Variants in IL13 observed in about 807,000 individuals in gnomAD.
IL13 encodes the protein interleukin-13.
In IL13, 9 loss-of-function variants were observed where a neutral mutation model predicts 11.1. The ratio of observed to expected loss-of-function variants is 0.81; its 90% CI spans 0.49 to 1.42. The LOEUF (loss-of-function observed/expected upper bound fraction) is 1.42, where lower values mean the gene tolerates loss of function less well. IL13 is among the 40% of genes most tolerant of loss of function. The pLI, the probability that IL13 is intolerant of heterozygous loss-of-function variation, is 0.00. For synonymous variants in IL13, 75 were observed against 76.9 expected, an observed-to-expected ratio of 0.97 and a Z score of 0.13; for missense variants, 181 against 182.5, an observed-to-expected ratio of 0.99 and a Z score of 0.05.
chr5:132,660,430 G>A lies in IL13; in HGVS notation c.*148G>A. The stretch of plus-strand genomic sequence containing the variant: ...TTCCTTAGCTTAGACCTCAGCCTGT[G>A]CTGCCCGTCTTCAGCCTAGCCGACC... On this transcript the variant is annotated 3_prime_UTR_variant, in exon 4 of 4. Coordinates refer to ENST00000304506, the MANE Select transcript of IL13 (RefSeq NM_002188.3). 7.5e-7 allele frequency: 1 copy of A among 1,329,590 alleles called. No individual in the cohort carries two copies. Among genetic ancestry groups the A allele is most frequent in the Admixed American group, 2.7e-5 (1 of 36,896 alleles). 82.4% of individuals were successfully genotyped at this position (1,329,590 alleles called of 1,614,324 possible).
upstream of IL13, among the ~76,000 whole-genome samples, chr5:132,657,948 C>T (rs575312971): frequency 2.6e-5 from 4 of 152,162 alleles, no homozygotes; most frequent in South Asian, 4.1e-4. Flanking sequence ...CCTTGCCTGC[C>T]GCTGGAATTA....
Position 132,660,446 on chromosome 5 carries a change from C to G in IL13, c.*164C>G, listed in dbSNP as rs1345567796. On this transcript the variant is annotated 3_prime_UTR_variant, in exon 4 of 4. Transcript: ENST00000304506. ...TCAGCCTGTGCTGCCCGTCTTCAGC[C>G]TAGCCGACCTCAGCCTTCCCCTTGC... 2 of 1,234,586 alleles carry G rather than the reference C, an allele frequency of 1.6e-6. No individual in the cohort carries two copies. The highest frequency in any genetic ancestry group is 5.7e-5 in the Admixed American group (2 of 35,236). The allele number at this position is 1,234,586 out of a possible 1,614,324, so 76.5% of individuals were successfully genotyped here.
Position 132,659,997 on chromosome 5 carries a change from C to A in IL13, c.333+169C>A, listed in dbSNP as rs560547280. ...GATTTACAGGATCTGGGCTCAAGGG[C>A]TCCTAACTCCTACCTGGGCCTCAAT... On this transcript the variant is annotated intron_variant, in intron 3 of 3. Coordinates refer to ENST00000304506, the MANE Select transcript of IL13 (RefSeq NM_002188.3). The surrounding 1 kb of genome is among the most constrained non-coding windows in gnomAD (Gnocchi z 4.1). Among the ~76,000 whole-genome samples the A allele has an allele frequency of 2.0e-5, 3 of 152,304 alleles. No homozygotes were observed. The highest frequency in any genetic ancestry group is 1.3e-4 in the Admixed American group (2 of 15,294).
Position 132,660,358 on chromosome 5 carries a change from C to G in IL13, c.*76C>G. On this transcript the variant is annotated 3_prime_UTR_variant, in exon 4 of 4. Coordinates refer to ENST00000304506, the MANE Select transcript of IL13 (RefSeq NM_002188.3). Reference sequence around the variant, plus strand: ...GCAGATTCATTTTTCTTTCTGATGTCAAAAATGTCTTGGGTAGGCGGGAAG... The same window carrying G: ...GCAGATTCATTTTTCTTTCTGATGTGAAAAATGTCTTGGGTAGGCGGGAAG... The G allele has an allele frequency of 6.4e-7, 1 of 1,561,600 alleles. No homozygotes were observed. Among genetic ancestry groups the G allele is most frequent in the Non-Finnish European group, 8.7e-7 (1 of 1,155,990 alleles).
chr5:132,660,518 G>C lies in IL13; in HGVS notation c.*236G>C, dbSNP rs554174789. 1 of 525,748 alleles carries C rather than the reference G, an allele frequency of 1.9e-6. No homozygotes were observed. The highest frequency in any genetic ancestry group is 4.0e-5 in the East Asian group (1 of 25,014). The allele number at this position is 525,748 out of a possible 1,614,324, so 32.6% of individuals were successfully genotyped here. ...CTCCTCTGTCCAGGGCCCTGAGCTCGGTGGACCCAGGGATGACATGTCCCT... is the reference window on the plus strand; with the variant it reads ...CTCCTCTGTCCAGGGCCCTGAGCTCCGTGGACCCAGGGATGACATGTCCCT... On this transcript the variant is annotated 3_prime_UTR_variant, in exon 4 of 4. Transcript: ENST00000304506.
upstream of IL13, among the ~76,000 whole-genome samples, chr5:132,657,402 A>G (rs1176478691): frequency 1.3e-5 from 2 of 152,178 alleles, no homozygotes; most frequent in African/African-American, 2.4e-5. Context: ...CACTACTTCC[A>G]GCCACTCTGG....
In IL13 at chr5:132,659,124, AGG is replaced by A; in HGVS notation, c.175-293_175-292del. 2.6e-6 allele frequency: 1 copy of A among 378,050 alleles called. No homozygotes were observed. The allele number at this position is 378,050 out of a possible 1,614,324, so 23.4% of individuals were successfully genotyped here. ...TCGTCCCCACCCTGGCCCTTCCCGC[AGG>A]CCCCTGTCCTCCTGCCCTGACTATG... On this transcript the variant is annotated intron_variant, in intron 1 of 3. Transcript: ENST00000304506. The surrounding 1 kb of genome is among the most constrained non-coding windows in gnomAD (Gnocchi z 4.1).
At position 132,659,976 on chromosome 5, in the gene IL13, T is replaced by C; in HGVS notation, c.333+148T>C. 1 of 1,444,034 alleles carries C rather than the reference T, an allele frequency of 6.9e-7. No individual in the cohort carries two copies. The highest frequency in any genetic ancestry group is 1.4e-5 in the South Asian group (1 of 71,806). 89.5% of individuals were successfully genotyped at this position (1,444,034 alleles called of 1,614,324 possible). ...CAGCAGGGACGTGGCCTTCGGGATTTACAGGATCTGGGCTCAAGGGCTCCT... is the reference window on the plus strand; with the variant it reads ...CAGCAGGGACGTGGCCTTCGGGATTCACAGGATCTGGGCTCAAGGGCTCCT... On this transcript the variant is annotated intron_variant, in intron 3 of 3. Coordinates refer to ENST00000304506, the MANE Select transcript of IL13 (RefSeq NM_002188.3). This position sits in a 1 kb window ranked among gnomAD's most constrained non-coding sequence, Gnocchi z 4.1.
At chr5:132,656,871 G>T (rs1752043127), upstream of IL13, among the ~76,000 whole-genome samples, 1 of 152,152 alleles carries the variant, frequency 6.6e-6, no homozygotes, top group African/African-American at 2.4e-5. Context: ...AGAGAGGGTG[G>T]GCAAGCCTGG....
upstream of IL13, chr5:132,656,917 G>C (rs747751919): frequency 2.0e-5 from 3 of 152,526 alleles, no homozygotes; most frequent in Non-Finnish European, 4.4e-5. Context: ...TGCCTTGTGA[G>C]GAGGGTCACA....
chr5:132,658,433 C>T (rs1937515913), intron 1 of IL13, 73 bp downstream of exon 1: 2 of 879,710 alleles, frequency 2.3e-6, no homozygotes, highest in Admixed American at 2.6e-5. Flanking sequence ...AGGTCATGAG[C>T]AGGCTGGGCC....
chr5:132,660,111 T>G, intron 3 of IL13, 64 bp from the exon 4 acceptor site: 4 of 1,530,438 alleles, frequency 2.6e-6, no homozygotes, highest in East Asian at 2.3e-5. Context: ...GGAAAGCCCC[T>G]GGTTTGTGCG....
At chr5:132,658,594 C>T (rs903629943) in intron 1 of IL13, 33 of 444,490 alleles carry the variant, frequency 7.4e-5, no homozygotes, top group Non-Finnish European at 6.0e-5. Context: ...ACCTGCTCTC[C>T]TGGCCTGGCC....
chr5:132,660,029 A>C, intron 3 of IL13, 146 bp from the exon 4 acceptor site: 1 of 1,215,364 alleles, frequency 8.2e-7, no homozygotes, highest in Non-Finnish European at 1.1e-6. Flanking sequence ...CAATTTCCAC[A>C]TCTGTACAGT....
Position 132,659,067 on chromosome 5 carries a change from G to C in IL13, c.175-351G>C, listed in dbSNP as rs2069745. The C allele has an allele frequency of 0.012, 3,638 of 299,392 alleles. 127 individuals carry two copies. Among genetic ancestry groups the C allele is most frequent in the African/African-American group, 0.072 (3,373 of 47,138 alleles). The allele number at this position is 299,392 out of a possible 1,614,324, so 18.5% of individuals were successfully genotyped here. A position where few individuals can be genotyped will look rare whatever the true frequency, so the allele number is the denominator to read the frequency against. On this transcript the variant is annotated intron_variant, in intron 1 of 3. Transcript: ENST00000304506. This position sits in a 1 kb window ranked among gnomAD's most constrained non-coding sequence, Gnocchi z 4.1. ...ACCGCCTCCCATCTGATTTGTCTTG[G>C]TCAACAGTGGCCCAGGCCACTCCTA... is the stretch of plus-strand genomic sequence containing the variant.
chr5:132,657,925 C>T (rs182411589), upstream of IL13, among the ~76,000 whole-genome samples: 229 of 152,296 alleles, frequency 1.5e-3, 3 homozygotes, highest in South Asian at 0.013. Flanking sequence ...AATGCCACGC[C>T]GCTCTCAGGG....
Position 132,660,778 on chromosome 5 carries a change from A to T in IL13, c.*496A>T, listed in dbSNP as rs570083916. The T allele has an allele frequency of 1.8e-5, 3 of 164,820 alleles. No individual in the cohort carries two copies. Among genetic ancestry groups the T allele is most frequent in the Admixed American group, 5.6e-5 (1 of 17,874 alleles). 10.2% of individuals were successfully genotyped at this position (164,820 alleles called of 1,614,324 possible). ...AGCACTTGGAGCCAAGGGTTCAGAGACTCAGGGCCCCAGCACTAAAGCAGT... is the reference window on the plus strand; with the variant it reads ...AGCACTTGGAGCCAAGGGTTCAGAGTCTCAGGGCCCCAGCACTAAAGCAGT... On this transcript the variant is annotated 3_prime_UTR_variant, in exon 4 of 4. Transcript: ENST00000304506.
intron 1 of IL13, 144 bp downstream of exon 1, chr5:132,658,504 T>C: frequency 1.7e-6 from 1 of 582,250 alleles, no homozygotes; most frequent in South Asian, 2.2e-5. Context: ...GGCCCAGCCA[T>C]GAGGGAGAGA....
intron 1 of IL13, chr5:132,658,782 C>A (rs191779987): frequency 1.1e-5 from 2 of 178,608 alleles, no homozygotes; most frequent in Non-Finnish European, 2.4e-5. Flanking sequence ...TAGTAGAGTC[C>A]GCTCCTTGCC....
Sources: allele counts gnomAD v4.1 joint callset (sites outside exome capture counted in the v4.1 genomes callset), GRCh38; gene constraint gnomAD v4.1.1; non-coding constraint Gnocchi (gnomAD v3.1); transcripts MANE v1.5; gene names NCBI Gene and HGNC (gene_info 2026-07-23, HGNC 2026-07-21).